Variants in LY6E observed in about 807,000 individuals in gnomAD.
LY6E encodes the protein lymphocyte antigen 6 family member E.
LY6E carries 4 observed loss-of-function variants against 7.7 expected under a neutral mutation model. The observed-to-expected ratio is 0.52, with a 90% CI of 0.25 to 1.18. LY6E has a LOEUF of 1.18. Among genes scored for constraint, LY6E ranks in the 50% most tolerant of loss-of-function variants. LY6E has a pLI of 0.14. For synonymous variants in LY6E, 81 were observed against 80.1 expected (o/e 1.01, Z -0.06); for missense variants, 156 against 168.0 (o/e 0.93, Z 0.40).
In LY6E at chr8:143,018,536, G is replaced by GC. The variant is rs1340508471; in HGVS notation, c.-107dup. On this transcript the variant is annotated 5_prime_UTR_variant, in exon 1 of 4. Transcript: ENST00000292494. ...CCGGGCCAGCCGCGGTCCAGAGCGC[G>GC]CGAGGTTCGGGGAGCTCGGCCAGGC... 6.3e-6 allele frequency: 1 copy of GC among 158,886 alleles called. No homozygotes were observed. The highest frequency in any genetic ancestry group is 1.4e-5 in the Non-Finnish European group (1 of 73,326). The allele number at this position is 158,886 out of a possible 1,614,324, so 9.8% of individuals were successfully genotyped here.
chr8:143,021,065 T>G lies in LY6E; in HGVS notation c.52+74T>G, dbSNP rs576274853. 1.6e-5 allele frequency: 24 copies of G among 1,542,340 alleles called. No homozygotes were observed. The South Asian group carries it at 2.8e-4, about 18-fold the overall frequency. On this transcript the variant is annotated intron_variant, in intron 2 of 3. Transcript: ENST00000292494. ...CCACTCCCTCTCCACCCCTCTCCCC[T>G]GAGCAGACGCCCCAGGGGTCCTTCC... is the stretch of plus-strand genomic sequence containing the variant.
Position 143,021,394 on chromosome 8 carries a change from G to C in LY6E, c.133G>C (p.Asp45His). Reference sequence around the variant, plus strand: ...GAAGCCGACCATCTGCTCCGACCAGGACAACTACTGCGTGACTGTGTCTGC... The same window carrying C: ...GAAGCCGACCATCTGCTCCGACCAGCACAACTACTGCGTGACTGTGTCTGC... ...CLKPTICSDQ[D>H]NYCVTVSASA... is the part of the protein sequence containing the mutation. Residue 45 changes from aspartate to histidine, a missense_variant, in exon 3 of 4, where the codon GAC (aspartate) becomes CAC (histidine). By Grantham distance (81) the Asp-to-His change is moderately conservative (BLOSUM62 -1). Coordinates refer to ENST00000292494, the MANE Select transcript of LY6E (RefSeq NM_002346.3). 1 of 1,614,018 alleles carries C rather than the reference G, an allele frequency of 6.2e-7. No individual in the cohort carries two copies. Among genetic ancestry groups the C allele is most frequent in the Non-Finnish European group, 8.5e-7 (1 of 1,180,034 alleles).
chr8:143,020,679 C>A (rs898590012), intron 1 of LY6E, among the ~76,000 whole-genome samples: 1 of 152,218 alleles, frequency 6.6e-6, no homozygotes, highest in Non-Finnish European at 1.5e-5. Context: ...TGTGCAGCCC[C>A]CTCCTGCCAG....
intron 2 of LY6E, among the ~76,000 whole-genome samples, 153 bp downstream of exon 2, chr8:143,021,144 G>C (rs968842251): frequency 2.0e-5 from 3 of 152,258 alleles, no homozygotes; most frequent in Admixed American, 2.0e-4. Flanking sequence ...CTCACTGTGT[G>C]TTTGAGTGTC....
Position 143,021,818 on chromosome 8 carries a change from A to C in LY6E, c.*29A>C. On this transcript the variant is annotated 3_prime_UTR_variant, in exon 4 of 4. Transcript: ENST00000292494. ...CCCAGACCCTGTCCCCCGATCCCCCAGCTCAGGAAGGAAAGCCCAGCCCTT... is the reference window on the plus strand; with the variant it reads ...CCCAGACCCTGTCCCCCGATCCCCCCGCTCAGGAAGGAAAGCCCAGCCCTT... The C allele has an allele frequency of 6.4e-7, 1 of 1,561,402 alleles. No homozygotes were observed. The highest frequency in any genetic ancestry group is 8.7e-7 in the Non-Finnish European group (1 of 1,155,712).
chr8:143,021,543 T>A (rs1379367301), intron 3 of LY6E, 23 bp from the exon 4 acceptor site: 1 of 1,613,320 alleles, frequency 6.2e-7, no homozygotes, highest in Admixed American at 1.7e-5. Flanking sequence ...GTCTCTCCCC[T>A]GACAGCCTCA....
chr8:143,020,990 A>T lies in LY6E; in HGVS notation c.51A>T (p.Arg17=), dbSNP rs1220713003. 6.5e-7 allele frequency: 1 copy of T among 1,537,884 alleles called. No homozygotes were observed. Among genetic ancestry groups the T allele is most frequent in the Non-Finnish European group, 8.8e-7 (1 of 1,139,496 alleles). Reference sequence around the variant, plus strand: ...TGGCTGCCCTTCTGGGTGTGGAGCGAGGTGAGGTGCCCTTGGGGACCCCAG... The same window carrying T: ...TGGCTGCCCTTCTGGGTGTGGAGCGTGGTGAGGTGCCCTTGGGGACCCCAG... ...VLLAALLGVE[R]ASSLMCFSCL... The change falls in exon 2 of 4, where the codon CGA becomes CGT. Residue 17 remains arginine (R), a splice_region_variant and synonymous_variant. Transcript: ENST00000292494.
intron 1 of LY6E, 108 bp from the exon 2 acceptor site, chr8:143,020,775 C>T: frequency 1.6e-6 from 1 of 635,440 alleles, no homozygotes; most frequent in Non-Finnish European, 2.8e-6. Flanking sequence ...TGTGTGCTGG[C>T]AGGTCCCTTC....
At chr8:143,021,205 T>A in intron 2 of LY6E, 109 bp from the exon 3 acceptor site, 1 of 1,482,700 alleles carries the variant, frequency 6.7e-7, no homozygotes, top group Non-Finnish European at 9.1e-7. Flanking sequence ...TTGCTCTGCC[T>A]TCAGCCCAGG....
chr8:143,019,920 T>C (rs1342481434), intron 1 of LY6E, among the ~76,000 whole-genome samples: 1 of 152,242 alleles, frequency 6.6e-6, no homozygotes, highest in Non-Finnish European at 1.5e-5. Context: ...CAGAGGGTCC[T>C]GTGCAGAGGC....
rs779741752 is a variant in LY6E at position 143,021,305 on chromosome 8, C to A, written c.53-9C>A. 2 of 1,612,248 alleles carry A rather than the reference C, an allele frequency of 1.2e-6. No homozygotes were observed. The highest frequency in any genetic ancestry group is 2.2e-5 in the East Asian group (1 of 44,890). ...GCTTCCCTGAGACAGGTGTGTCCTCCTTCCGCAGCCAGCTCGCTGATGTGC... is the reference window on the plus strand; with the variant it reads ...GCTTCCCTGAGACAGGTGTGTCCTCATTCCGCAGCCAGCTCGCTGATGTGC... On this transcript the variant is annotated splice_polypyrimidine_tract_variant and intron_variant, in intron 2 of 3. Coordinates refer to ENST00000292494, the MANE Select transcript of LY6E (RefSeq NM_002346.3).
Position 143,019,634 on chromosome 8 carries a change from TC to T in LY6E, c.-58+1051del, listed in dbSNP as rs1819167377. On this transcript the variant is annotated intron_variant, in intron 1 of 3. Transcript: ENST00000292494. ...GTTTTTGGCCACCTGGGGCTCCCAC[TC>T]CCAACCCCAGGATGTCAGCCCAGGT... is the stretch of plus-strand genomic sequence containing the variant. Among the ~76,000 whole-genome samples, 9 of 152,280 alleles carry T rather than the reference TC, an allele frequency of 5.9e-5. No individual in the cohort carries two copies. In the South Asian group the frequency reaches 1.9e-3, roughly 32 times the overall value.
At position 143,022,082 on chromosome 8, in the gene LY6E, T is replaced by G; in HGVS notation, c.*293T>G. 1.9e-6 allele frequency: 1 copy of G among 527,386 alleles called. No individual in the cohort carries two copies. Among genetic ancestry groups the G allele is most frequent in the Non-Finnish European group, 3.3e-6 (1 of 298,862 alleles). 32.7% of individuals were successfully genotyped at this position (527,386 alleles called of 1,614,324 possible). On this transcript the variant is annotated 3_prime_UTR_variant, in exon 4 of 4. Transcript: ENST00000292494. ...ACATCAGGACCAAGTCCCATGGACA[T>G]GCTGACAGGGTCCCCAGGGAGACCG...
At chr8:143,020,039 A>C (rs1819179644) in intron 1 of LY6E, among the ~76,000 whole-genome samples, 1 of 152,140 alleles carries the variant, frequency 6.6e-6, no homozygotes, top group African/African-American at 2.4e-5. Flanking sequence ...GGAGTAGCAG[A>C]TACTGAGTGG....
Position 143,021,594 on chromosome 8 carries a change from G to GAGCA in LY6E, c.204_207dup (p.Thr70GlnfsTer98). 1 of 1,613,958 alleles carries GAGCA rather than the reference G, an allele frequency of 6.2e-7. No individual in the cohort carries two copies. The highest frequency in any genetic ancestry group is 8.5e-7 in the Non-Finnish European group (1 of 1,180,004). On this transcript the variant is annotated frameshift_variant, in exon 4 of 4. Coordinates refer to ENST00000292494, the MANE Select transcript of LY6E (RefSeq NM_002346.3). LOFTEE classifies it low-confidence loss of function (END_TRUNC). ...ATCTCGTGACATTTGGCCACAGCCT[G>GAGCA]AGCAAGACCTGTTCCCCGGCCTGCC...
chr8:143,018,923 T>A (rs1178893633), intron 1 of LY6E: 1 of 152,136 alleles, frequency 6.6e-6, no homozygotes, highest in Non-Finnish European at 1.5e-5. Context: ...GCGCAGCCAC[T>A]GGAGCCCATC....
At chr8:143,020,007 C>G (rs1819178967) in intron 1 of LY6E, among the ~76,000 whole-genome samples, 2 of 152,170 alleles carry the variant, frequency 1.3e-5, no homozygotes, top group Admixed American at 1.3e-4. Context: ...CTCTCGGAGC[C>G]CATTTCCCAG....
rs1353291469 is a variant in LY6E at position 143,021,892 on chromosome 8, C to CT, written c.*104dup. ...GCCCCTGACTCCTCACGTGCCTGAT[C>CT]TGTGCCCTTGGTCCCAGGTCAGGCC... On this transcript the variant is annotated 3_prime_UTR_variant, in exon 4 of 4. Transcript: ENST00000292494. 9.1e-7 allele frequency: 1 copy of CT among 1,099,310 alleles called. No homozygotes were observed. The highest frequency in any genetic ancestry group is 1.3e-6 in the Non-Finnish European group (1 of 784,208). The allele number at this position is 1,099,310 out of a possible 1,614,324, so 68.1% of individuals were successfully genotyped here.
rs780786588 is a variant in LY6E, at chr8:143,021,817, C to CAGCTCAGGAAGGAA, written c.*32_*45dup. Reference sequence around the variant, plus strand: ...GCCCAGACCCTGTCCCCCGATCCCCCAGCTCAGGAAGGAAAGCCCAGCCCT... The same window carrying CAGCTCAGGAAGGAA: ...GCCCAGACCCTGTCCCCCGATCCCCCAGCTCAGGAAGGAAAGCTCAGGAAGGAAAGCCCAGCCCT... On this transcript the variant is annotated 3_prime_UTR_variant, in exon 4 of 4. Coordinates refer to ENST00000292494, the MANE Select transcript of LY6E (RefSeq NM_002346.3). 1 of 1,565,538 alleles carries CAGCTCAGGAAGGAA rather than the reference C, an allele frequency of 6.4e-7. No individual in the cohort carries two copies. Among genetic ancestry groups the CAGCTCAGGAAGGAA allele is most frequent in the Non-Finnish European group, 8.6e-7 (1 of 1,158,012 alleles).
Sources: allele counts gnomAD v4.1 joint callset (sites outside exome capture counted in the v4.1 genomes callset), GRCh38; gene constraint gnomAD v4.1.1; transcripts MANE v1.5; gene names NCBI Gene and HGNC (gene_info 2026-07-23, HGNC 2026-07-21).